The following ARIH1 variants were observed in gnomAD, a reference collection of about 807,000 sequenced individuals.
ARIH1 encodes the protein E3 ubiquitin-protein ligase ARIH1.
Under a neutral mutation model 85.0 loss-of-function variants are expected in ARIH1, and 8 were observed. That is an observed-to-expected ratio of 0.09 (90% CI 0.06 to 0.17). The LOEUF (loss-of-function observed/expected upper bound fraction) is 0.17. ARIH1 is among the 10% of genes least tolerant of loss of function. The pLI is 1.00. For missense variants in ARIH1, 311 were observed against 718.1 expected (o/e 0.43, Z 6.48); for synonymous variants, 238 against 253.6 (o/e 0.94, Z 0.59).
At chr15:72,571,649 A>AAT (rs1406991836) in intron 10 of ARIH1, among the ~76,000 whole-genome samples, 1 of 152,204 alleles carries the variant, frequency 6.6e-6, no homozygotes, top group African/African-American at 2.4e-5. Flanking sequence ...TGTGGTTTAT[A>AAT]AAAGAGCAGA....
At chr15:72,572,433 C>G in intron 11 of ARIH1, 1 of 237,014 alleles carries the variant, frequency 4.2e-6, no homozygotes, top group Non-Finnish European at 8.1e-6. Context: ...TCAGTCTAGT[C>G]TCGAACTCCT....
At chr15:72,512,019 A>C (rs2063952939) in intron 1 of ARIH1, among the ~76,000 whole-genome samples, 1 of 152,052 alleles carries the variant, frequency 6.6e-6, no homozygotes, top group African/African-American at 2.4e-5. Flanking sequence ...GACGAACCCC[A>C]CTTGATTGTG....
intron 9 of ARIH1, among the ~76,000 whole-genome samples, chr15:72,568,638 T>A (rs78574393): frequency 6.6e-6 from 1 of 152,174 alleles, no homozygotes; most frequent in Admixed American, 6.5e-5. Context: ...TAAACAGATA[T>A]GCATATTGTC....
Position 72,583,401 on chromosome 15 carries a change from C to G in ARIH1, c.*109C>G. On this transcript the variant is annotated 3_prime_UTR_variant, in exon 14 of 14. Transcript: ENST00000379887. ...AGGCACTAAGCCTATTCTGACACCA[C>G]TGGTCTGTAGTACCAGAATTGTTTT... The G allele has an allele frequency of 1.3e-6, 1 of 777,462 alleles. No homozygotes were observed. Among genetic ancestry groups the G allele is most frequent in the East Asian group, 2.5e-5 (1 of 39,624 alleles). 48.2% of individuals were successfully genotyped at this position (777,462 alleles called of 1,614,324 possible). A position where few individuals can be genotyped will look rare whatever the true frequency, so the allele number is the denominator to read the frequency against.
chr15:72,498,106 A>G lies in ARIH1; in HGVS notation c.376-19961A>G, dbSNP rs2063887106. 3.9e-5 allele frequency among the ~76,000 whole-genome samples: 6 copies of G among 152,224 alleles called. No homozygotes were observed. In the South Asian group the frequency reaches 1.2e-3, roughly 32 times the overall value. On this transcript the variant is annotated intron_variant, in intron 1 of 13. Coordinates refer to ENST00000379887, the MANE Select transcript of ARIH1 (RefSeq NM_005744.5). Reference sequence around the variant, plus strand: ...GGTATTAGGTATTTAATGCTCCACTAAATAGATCACAAAAGGGGAGTCTTA... The same window carrying G: ...GGTATTAGGTATTTAATGCTCCACTGAATAGATCACAAAAGGGGAGTCTTA...
rs530242731 is a variant in ARIH1 at position 72,526,944 on chromosome 15, C to T, written c.443+8810C>T. ...TAGAATTTTCTATAATTACTAATTT[C>T]TTTCCATGCCTCTCCAGATGAAGCA... On this transcript the variant is annotated intron_variant, in intron 2 of 13. Coordinates refer to ENST00000379887, the MANE Select transcript of ARIH1 (RefSeq NM_005744.5). 1.3e-4 allele frequency among the ~76,000 whole-genome samples: 17 copies of T among 135,820 alleles called. No homozygotes were observed. The East Asian group carries it at 2.3e-3, about 18-fold the overall frequency. 89.1% of individuals were successfully genotyped at this position (135,820 alleles called of 152,430 possible).
Position 72,583,294 on chromosome 15 carries a change from A to G in ARIH1, c.*2A>G, listed in dbSNP as rs760259562. 6.2e-7 allele frequency: 1 copy of G among 1,611,158 alleles called. No homozygotes were observed. The highest frequency in any genetic ancestry group is 1.1e-5 in the South Asian group (1 of 90,838). On this transcript the variant is annotated 3_prime_UTR_variant, in exon 14 of 14. Transcript: ENST00000379887. ...CTGTGGGAGTACATTGAGGACTGAG[A>G]ATGGCCCTGCATAAAATGAACTCTG...
Position 72,572,184 on chromosome 15 carries a change from G to A in ARIH1, c.1215+19G>A. 6.4e-6 allele frequency: 10 copies of A among 1,553,878 alleles called. No individual in the cohort carries two copies. The highest frequency in any genetic ancestry group is 8.8e-6 in the Non-Finnish European group (10 of 1,131,240). ...ACAGGAGGTAAGTATATGTATAACA[G>A]GACAATAGTTGACTAAGAATGCACG... On this transcript the variant is annotated intron_variant, in intron 11 of 13. Transcript: ENST00000379887.
At chr15:72,561,353 A>G in intron 5 of ARIH1, 130 bp from the exon 6 acceptor site, 1 of 659,248 alleles carries the variant, frequency 1.5e-6, no homozygotes, top group Non-Finnish European at 2.7e-6. Flanking sequence ...GCCTATGTGC[A>G]TTTCAGTATT....
rs2064307639 is a variant in ARIH1, at chr15:72,584,409, C to G, written c.*1117C>G. 6.6e-6 allele frequency: 1 copy of G among 152,218 alleles called. No individual in the cohort carries two copies. The highest frequency in any genetic ancestry group is 6.5e-5 in the Admixed American group (1 of 15,272). 9.4% of individuals were successfully genotyped at this position (152,218 alleles called of 1,614,324 possible). On this transcript the variant is annotated 3_prime_UTR_variant, in exon 14 of 14. Transcript: ENST00000379887. ...AGTCCCCTGTCGCATCCAGTGGAAG[C>G]ATTTTAAAATTTCTTTTACTTTTTG...
At chr15:72,564,446 C>T (rs1186618097) in intron 7 of ARIH1, among the ~76,000 whole-genome samples, 1 of 152,192 alleles carries the variant, frequency 6.6e-6, no homozygotes. Context: ...GAGGCATTCC[C>T]TGCACTTCTG....
intron 1 of ARIH1, among the ~76,000 whole-genome samples, chr15:72,485,146 A>G (rs889629514): frequency 6.6e-6 from 1 of 152,218 alleles, no homozygotes; most frequent in Non-Finnish European, 1.5e-5. Flanking sequence ...GTTGTATAGC[A>G]TTGAATCCCA....
chr15:72,576,983 T>C (rs1417477023), intron 11 of ARIH1, among the ~76,000 whole-genome samples: 1 of 151,960 alleles, frequency 6.6e-6, no homozygotes, highest in Non-Finnish European at 1.5e-5. Flanking sequence ...CTGTGTGCTT[T>C]TTTTTTTTTC....
rs986004900 is a variant in ARIH1 at position 72,589,963 on chromosome 15, C to T, written c.*6671C>T. Reference sequence around the variant, plus strand: ...CATGTGCCACTGCTCCTAGCTCTTCCATCTCAGTCTTATGATGTAGTTACT... The same window carrying T: ...CATGTGCCACTGCTCCTAGCTCTTCTATCTCAGTCTTATGATGTAGTTACT... On this transcript the variant is annotated 3_prime_UTR_variant, in exon 14 of 14. Coordinates refer to ENST00000379887, the MANE Select transcript of ARIH1 (RefSeq NM_005744.5). 2 of 152,096 alleles carry T rather than the reference C, an allele frequency of 1.3e-5. No homozygotes were observed. Among genetic ancestry groups the T allele is most frequent in the African/African-American group, 4.8e-5 (2 of 41,406 alleles). 9.4% of individuals were successfully genotyped at this position (152,096 alleles called of 1,614,324 possible).
chr15:72,592,532 T>TA lies in ARIH1; in HGVS notation c.*9241dup, dbSNP rs2064347288. ...ACTACCAAAAGAAGACATAATATGT[T>TA]ACAATTAACCCAGAAAATTCTCAAG... On this transcript the variant is annotated 3_prime_UTR_variant, in exon 14 of 14. Transcript: ENST00000379887. 6.6e-6 allele frequency: 1 copy of TA among 152,240 alleles called. No individual in the cohort carries two copies. The highest frequency in any genetic ancestry group is 1.5e-5 in the Non-Finnish European group (1 of 68,032). The allele number at this position is 152,240 out of a possible 1,614,324, so 9.4% of individuals were successfully genotyped here.
intron 3 of ARIH1, among the ~76,000 whole-genome samples, chr15:72,546,082 G>A (rs1339775433): frequency 6.6e-6 from 1 of 152,162 alleles, no homozygotes; most frequent in African/African-American, 2.4e-5. Flanking sequence ...AGGCTGGAGT[G>A]TTATGGCTAT....
chr15:72,532,728 A>C (rs948275487), intron 2 of ARIH1, among the ~76,000 whole-genome samples: 2 of 152,246 alleles, frequency 1.3e-5, no homozygotes, highest in African/African-American at 4.8e-5. Flanking sequence ...TCAGCAATAC[A>C]TATATAAAAA....
intron 5 of ARIH1, among the ~76,000 whole-genome samples, chr15:72,557,430 T>G (rs529789982): frequency 6.6e-6 from 1 of 152,292 alleles, no homozygotes; most frequent in East Asian, 1.9e-4. Flanking sequence ...TTAAGTTCCT[T>G]ATAGATTCTG....
At chr15:72,533,165 G>A (rs781660232) in intron 2 of ARIH1, among the ~76,000 whole-genome samples, 1 of 152,168 alleles carries the variant, frequency 6.6e-6, no homozygotes, top group Non-Finnish European at 1.5e-5. Flanking sequence ...GTCTTGCTCT[G>A]TCTCCCAGGC....
Sources: gnomAD v4.1 joint callset for allele counts (sites outside exome capture counted in the v4.1 genomes callset) on GRCh38, gnomAD v4.1.1 for gene constraint, MANE v1.5 for transcripts, NCBI Gene and HGNC (gene_info 2026-07-23, HGNC 2026-07-21) for gene names.